TAFA1: variants seen among roughly 807,000 people sequenced by gnomAD.
The protein encoded by TAFA1 is chemokine-like protein TAFA-1.
Under a neutral mutation model 18.5 loss-of-function variants are expected in TAFA1, and 4 were observed. That is an observed-to-expected ratio of 0.22 (90% CI 0.11 to 0.49). The LOEUF (loss-of-function observed/expected upper bound fraction) is 0.49, where lower values mean the gene tolerates loss of function less well. Among genes scored for constraint, TAFA1 ranks in the 20% least tolerant of loss-of-function variants. TAFA1 has a pLI of 0.98. For missense variants in TAFA1, 147 were observed against 169.0 expected (o/e 0.87, Z 0.72); for synonymous variants, 56 against 55.2 (o/e 1.01, Z -0.06).
At chr3:68,297,869 A>G (rs1052936971) in intron 2 of TAFA1, among the ~76,000 whole-genome samples, 3 of 152,016 alleles carry the variant, frequency 2.0e-5, no homozygotes, top group Non-Finnish European at 2.9e-5. Context: ...ACTTAATTAG[A>G]TCAATTATTA....
At chr3:68,370,470 G>GTATATA (rs2069675173) in intron 2 of TAFA1, among the ~76,000 whole-genome samples, 4 of 31,162 alleles carry the variant, frequency 1.3e-4, no homozygotes, top group South Asian at 1.1e-3. Context: ...GTGTGTGTGT[G>GTATATA]TGTATATATA....
rs554108800 is a variant in TAFA1 at position 68,522,732 on chromosome 3, C to G, written c.260-16024C>G. ...GGCATGGCAGTGAGTGCCTGTAATC[C>G]CAGTTACTCTGGAGGCTGAGGCAGG... On this transcript the variant is annotated intron_variant, in intron 3 of 4. Transcript: ENST00000478136. 3.3e-4 allele frequency among the ~76,000 whole-genome samples: 49 copies of G among 150,354 alleles called. 2 individuals carry two copies. In the East Asian group the frequency reaches 9.6e-3, roughly 29 times the overall value.
intron 2 of TAFA1, among the ~76,000 whole-genome samples, chr3:68,126,917 A>T (rs2065471194): frequency 6.6e-6 from 1 of 152,336 alleles, no homozygotes; most frequent in Admixed American, 6.5e-5. Flanking sequence ...ATGGGTTCGT[A>T]ATTTCATCTT....
chr3:68,355,737 G>A (rs1337689377), intron 2 of TAFA1, among the ~76,000 whole-genome samples: 1 of 151,900 alleles, frequency 6.6e-6, no homozygotes, highest in African/African-American at 2.4e-5. Context: ...AAAAGTTAGA[G>A]GGAAACAGAT....
At chr3:68,409,143 G>A (rs13092201) in intron 2 of TAFA1, among the ~76,000 whole-genome samples, 79,733 of 151,856 alleles carry the variant, frequency 0.53, 21,361 homozygotes, top group African/African-American at 0.62. Context: ...CATGTACAGG[G>A]CTTAGGCTTA....
At chr3:68,061,567 CA>C (rs1363420195) in intron 2 of TAFA1, among the ~76,000 whole-genome samples, 1 of 152,130 alleles carries the variant, frequency 6.6e-6, no homozygotes, top group African/African-American at 2.4e-5. Context: ...ACTTGTTTAT[CA>C]CATCACTGAA....
At chr3:68,541,316 CACCA>C in intron 4 of TAFA1, among the ~76,000 whole-genome samples, 1 of 152,210 alleles carries the variant, frequency 6.6e-6, no homozygotes, top group Non-Finnish European at 1.5e-5. Flanking sequence ...ACACAAGGAG[CACCA>C]ACTAAGTCCA....
chr3:68,025,166 A>G (rs1215797269), intron 2 of TAFA1, among the ~76,000 whole-genome samples: 3 of 152,330 alleles, frequency 2.0e-5, no homozygotes, highest in African/African-American at 7.2e-5. Flanking sequence ...TCGAAAACCT[A>G]GAAATTGCCA....
At chr3:68,407,995 G>A (rs2070642961) in intron 2 of TAFA1, among the ~76,000 whole-genome samples, 1 of 151,992 alleles carries the variant, frequency 6.6e-6, no homozygotes, top group Middle Eastern at 3.2e-3. Flanking sequence ...AGTCCATTGG[G>A]TCAATAAAGC....
At chr3:68,443,093 A>G (rs1172138081) in intron 3 of TAFA1, among the ~76,000 whole-genome samples, 6 of 152,116 alleles carry the variant, frequency 3.9e-5, no homozygotes, top group Non-Finnish European at 8.8e-5. Flanking sequence ...GAGAAGGCCC[A>G]TCTACTTCGT....
intron 2 of TAFA1, among the ~76,000 whole-genome samples, chr3:68,272,547 G>A (rs1431486280): frequency 1.3e-5 from 2 of 152,102 alleles, no homozygotes; most frequent in Admixed American, 1.3e-4. Context: ...GCAAATTAGG[G>A]AAAACAGCAC....
intron 2 of TAFA1, among the ~76,000 whole-genome samples, chr3:68,313,422 C>A (rs1359273629): frequency 1.3e-5 from 2 of 152,028 alleles, no homozygotes; most frequent in Non-Finnish European, 2.9e-5. Context: ...GCATAATGAT[C>A]TGCATATACC....
intron 2 of TAFA1, among the ~76,000 whole-genome samples, chr3:68,414,262 G>A (rs527313660): frequency 7.2e-5 from 11 of 152,222 alleles, no homozygotes; most frequent in East Asian, 1.9e-4. Context: ...AACTGAGATC[G>A]CGCCATTGCA....
At chr3:68,238,616 G>C (rs1398045015) in intron 2 of TAFA1, among the ~76,000 whole-genome samples, 2 of 152,152 alleles carry the variant, frequency 1.3e-5, no homozygotes. Context: ...CTGGCACAAA[G>C]TGGCTAAATA....
chr3:68,511,065 T>C (rs1334460506), intron 3 of TAFA1, among the ~76,000 whole-genome samples: 1 of 152,174 alleles, frequency 6.6e-6, no homozygotes, highest in Non-Finnish European at 1.5e-5. Context: ...TTAAAGAGAC[T>C]CAAATGCAAA....
intron 2 of TAFA1, among the ~76,000 whole-genome samples, chr3:68,018,172 C>G (rs532074924): frequency 2.0e-5 from 3 of 152,240 alleles, no homozygotes; most frequent in East Asian, 3.9e-4. Context: ...TCAAGGCTGC[C>G]TTATCAGTGT....
In TAFA1 at chr3:68,384,697, T is replaced by G. The variant is rs182290470; in HGVS notation, c.119-32583T>G. Among the ~76,000 whole-genome samples the G allele has an allele frequency of 1.3e-3, 198 of 152,230 alleles. 4 individuals are homozygous for G. The East Asian group carries it at 0.029, about 22-fold the overall frequency. ...TTATCAGTTCCATTTGGTACAGTGCTGAGTTCAAGTCCTGAATAACTTTTT... is the reference window on the plus strand; with the variant it reads ...TTATCAGTTCCATTTGGTACAGTGCGGAGTTCAAGTCCTGAATAACTTTTT... On this transcript the variant is annotated intron_variant, in intron 2 of 4. Coordinates refer to ENST00000478136, the MANE Select transcript of TAFA1 (RefSeq NM_213609.4).
At chr3:68,013,469 C>G (rs577161417) in intron 2 of TAFA1, among the ~76,000 whole-genome samples, 1 of 152,008 alleles carries the variant, frequency 6.6e-6, no homozygotes, top group Non-Finnish European at 1.5e-5. Flanking sequence ...AATTAAATCC[C>G]TAAGGTTTTC....
chr3:68,259,632 C>G (rs537862718), intron 2 of TAFA1, among the ~76,000 whole-genome samples: 1 of 152,222 alleles, frequency 6.6e-6, no homozygotes, highest in East Asian at 1.9e-4. Context: ...GTTTGTAGTT[C>G]TCCTTGAAGA....
Sources: gnomAD v4.1 joint callset for allele counts (sites outside exome capture counted in the v4.1 genomes callset) on GRCh38, gnomAD v4.1.1 for gene constraint, MANE v1.5 for transcripts, NCBI Gene and HGNC (gene_info 2026-07-23, HGNC 2026-07-21) for gene names.